ARPP21: variants seen among roughly 807,000 people sequenced by gnomAD.
The protein encoded by ARPP21 is cAMP regulated phosphoprotein 21, also known as cAMP-regulated phosphoprotein 21.
A neutral mutation model predicts 113.2 loss-of-function variants in ARPP21; 69 were observed. The observed-to-expected ratio is 0.61, with a 90% CI of 0.50 to 0.74. The LOEUF is 0.74. Ranked by LOEUF, ARPP21 falls within the 30% of genes least tolerant of loss-of-function variation. The pLI is 0.00. For missense variants in ARPP21, 1,070 were observed against 1,037.4 expected, an observed-to-expected ratio of 1.03 and a Z score of -0.43; for synonymous variants, 368 against 375.5, an observed-to-expected ratio of 0.98 and a Z score of 0.23.
chr3:35,729,405 C>T lies in ARPP21; in HGVS notation c.1328C>T (p.Pro443Leu). 1 of 1,614,174 alleles carries T rather than the reference C, an allele frequency of 6.2e-7. No homozygotes were observed. The highest frequency in any genetic ancestry group is 1.1e-5 in the South Asian group (1 of 91,082). ...PLVSGVAAGS[P>L]GCVPYPENGI... Reference sequence around the variant, plus strand: ...GTCTCAGGTGTGGCAGCTGGCTCTCCAGGCTGTGTGCCTTATCCAGAGAAT... The same window carrying T: ...GTCTCAGGTGTGGCAGCTGGCTCTCTAGGCTGTGTGCCTTATCCAGAGAAT... The change falls in exon 15 of 21, where the codon CCA becomes CTA. Residue 443 changes from proline (P) to leucine (L), a missense_variant. Pro to Leu is a moderately conservative substitution (Grantham distance 98). Transcript: ENST00000684406.
chr3:35,726,060 C>T (rs1009882902), intron 14 of ARPP21, among the ~76,000 whole-genome samples: 3 of 152,198 alleles, frequency 2.0e-5, no homozygotes. Flanking sequence ...GATCAGTTCT[C>T]ATCTTCAAAA....
intron 15 of ARPP21, among the ~76,000 whole-genome samples, chr3:35,729,866 T>C (rs1015224375): frequency 2.0e-5 from 3 of 152,222 alleles, no homozygotes; most frequent in Non-Finnish European, 4.4e-5. Flanking sequence ...TGAGTTGGGA[T>C]ATACTAATTA....
At chr3:35,756,426 G>A (rs1020765801) in intron 19 of ARPP21, among the ~76,000 whole-genome samples, 3 of 152,024 alleles carry the variant, frequency 2.0e-5, no homozygotes, top group Non-Finnish European at 4.4e-5. Context: ...TGTTACCAAC[G>A]TGCAGTAGCC....
At chr3:35,752,157 T>C (rs1234593058) in intron 19 of ARPP21, among the ~76,000 whole-genome samples, 1 of 151,894 alleles carries the variant, frequency 6.6e-6, no homozygotes. Flanking sequence ...ATAAAAGATA[T>C]AGGAAAGAAT....
intron 14 of ARPP21, among the ~76,000 whole-genome samples, chr3:35,724,521 A>G (rs971737001): frequency 2.6e-5 from 4 of 152,172 alleles, no homozygotes; most frequent in African/African-American, 7.2e-5. Flanking sequence ...TTCTGAGCCC[A>G]TAGGTCTGGG....
chr3:35,726,584 CT>C (rs1285707042), intron 14 of ARPP21, among the ~76,000 whole-genome samples: 5 of 151,904 alleles, frequency 3.3e-5, no homozygotes, highest in East Asian at 3.9e-4. Context: ...ATTGATGCTG[CT>C]TTTTTTTTCC....
In ARPP21 at chr3:35,793,772, G is replaced by C. The variant is rs755279830; in HGVS notation, c.2358G>C (p.Gln786His). 6.8e-6 allele frequency: 11 copies of C among 1,613,844 alleles called. No individual in the cohort carries two copies. Among genetic ancestry groups the C allele is most frequent in the Non-Finnish European group, 9.3e-6 (11 of 1,179,874 alleles). ...AACAGCCAATCATGCTACCTAACCA[G>C]GCAGGTCAAGGGTCACTCCCAGCCA... ...SYQQPIMLPN[Q>H]AGQGSLPATG... The change falls in exon 21 of 21, where the codon CAG (glutamine) becomes CAC (histidine). Residue 786 changes from glutamine (Q) to histidine (H), a missense_variant. Gln to His is a conservative substitution (Grantham distance 24). Transcript: ENST00000684406.
At chr3:35,780,749 A>G (rs1188586102) in intron 19 of ARPP21, among the ~76,000 whole-genome samples, 1 of 152,150 alleles carries the variant, frequency 6.6e-6, no homozygotes, top group Non-Finnish European at 1.5e-5. Flanking sequence ...GCTCAATCAG[A>G]ATCTAAGCGT....
chr3:35,718,280 T>G (rs2092682601), intron 13 of ARPP21, among the ~76,000 whole-genome samples: 1 of 152,210 alleles, frequency 6.6e-6, no homozygotes, highest in South Asian at 2.1e-4. Flanking sequence ...CTTTTTGGAC[T>G]TCTTTCACTT....
chr3:35,763,812 C>A (rs2095861751), intron 19 of ARPP21, among the ~76,000 whole-genome samples: 2 of 152,036 alleles, frequency 1.3e-5, no homozygotes, highest in Admixed American at 1.3e-4. Flanking sequence ...ATTTGTAGAA[C>A]TATTCAGAAA....
At chr3:35,789,673 T>C (rs909401466) in intron 19 of ARPP21, among the ~76,000 whole-genome samples, 3 of 152,190 alleles carry the variant, frequency 2.0e-5, no homozygotes, top group Admixed American at 1.3e-4. Context: ...GAGAAGGAGA[T>C]GCTGTGGCAG....
intron 9 of ARPP21, among the ~76,000 whole-genome samples, chr3:35,693,678 G>C (rs1411994317): frequency 6.6e-6 from 1 of 151,648 alleles, no homozygotes; most frequent in Non-Finnish European, 1.5e-5. Context: ...AGTTCTAAGT[G>C]TCTTGGTTTT....
intron 19 of ARPP21, among the ~76,000 whole-genome samples, chr3:35,762,124 T>TCACACA (rs1228601723): frequency 7.8e-5 from 11 of 141,256 alleles, no homozygotes; most frequent in African/African-American, 2.7e-4. Flanking sequence ...TCTCTCTCTC[T>TCACACA]CTCACACACA....
At chr3:35,708,937 G>C (rs2090161000) in intron 10 of ARPP21, 32 bp from the exon 11 acceptor site, 2 of 1,507,334 alleles carry the variant, frequency 1.3e-6, no homozygotes, top group Admixed American at 3.4e-5. Context: ...ACGCAACTTG[G>C]ATAACCCTCC....
At chr3:35,690,232 A>G (rs2081846856) in intron 8 of ARPP21, 92 bp downstream of exon 8, 1 of 738,196 alleles carries the variant, frequency 1.4e-6, no homozygotes, top group Non-Finnish European at 2.5e-6. Context: ...TTAGGGATAG[A>G]CAAAACATTG....
At chr3:35,736,478 A>G (rs1407676591) in intron 15 of ARPP21, among the ~76,000 whole-genome samples, 1 of 152,234 alleles carries the variant, frequency 6.6e-6, no homozygotes, top group African/African-American at 2.4e-5. Flanking sequence ...CCTCAAAGAC[A>G]AAGCAATACT....
intron 15 of ARPP21, among the ~76,000 whole-genome samples, chr3:35,736,832 G>A (rs1333962452): frequency 6.6e-6 from 1 of 152,204 alleles, no homozygotes; most frequent in African/African-American, 2.4e-5. Flanking sequence ...ACTAATGGCT[G>A]TGAGGTGCAG....
At chr3:35,653,177 A>G (rs1362558992) in intron 1 of ARPP21, among the ~76,000 whole-genome samples, 1 of 152,070 alleles carries the variant, frequency 6.6e-6, no homozygotes, top group Non-Finnish European at 1.5e-5. Context: ...TTGTGTGCCT[A>G]TGTAATGTCC....
At chr3:35,693,363 C>T (rs1430387075) in intron 9 of ARPP21, among the ~76,000 whole-genome samples, 2 of 151,674 alleles carry the variant, frequency 1.3e-5, no homozygotes, top group Non-Finnish European at 3.0e-5. Context: ...ATTCTAACTA[C>T]ACTTCTGACC....
Sources: gnomAD v4.1 joint callset for allele counts (sites outside exome capture counted in the v4.1 genomes callset) on GRCh38, gnomAD v4.1.1 for gene constraint, MANE v1.5 for transcripts, NCBI Gene and HGNC (gene_info 2026-07-23, HGNC 2026-07-21) for gene names.